The following DNTT variants were observed in gnomAD, a reference collection of about 807,000 sequenced individuals.
The protein encoded by DNTT is nucleosidetriphosphate:DNA deoxynucleotidylexotransferase.
DNTT carries 47 observed loss-of-function variants against 60.9 expected under a neutral mutation model. The observed-to-expected ratio is 0.77, with a 90% CI of 0.61 to 0.98. DNTT has a LOEUF of 0.98. Ranked by LOEUF, DNTT falls within the 50% of genes least tolerant of loss-of-function variation. The probability of loss-of-function intolerance (pLI) is 0.00; values close to 1 mark genes in which losing one functional copy is unlikely to be tolerated. For missense variants in DNTT, 665 were observed against 627.5 expected, an observed-to-expected ratio of 1.06 and a Z score of -0.64; for synonymous variants, 224 against 221.2, an observed-to-expected ratio of 1.01 and a Z score of -0.11.
chr10:96,319,853 C>T (rs1419928884), intron 3 of DNTT, among the ~76,000 whole-genome samples: 2 of 152,194 alleles, frequency 1.3e-5, no homozygotes, highest in Admixed American at 1.3e-4. Flanking sequence ...CTCTCTGAGC[C>T]TGTCTCCTCA....
rs1438215323 is a variant in DNTT, at chr10:96,332,607, C to T, written c.1359+11C>T. On this transcript the variant is annotated intron_variant, in intron 9 of 10. Transcript: ENST00000371174. The stretch of plus-strand genomic sequence containing the variant: ...TGGACTGGCTCCCGGGTAAGTGCTA[C>T]ATGGACCCATGGGATGATGTTAGCT... 1 of 1,612,644 alleles carries T rather than the reference C, an allele frequency of 6.2e-7. No homozygotes were observed. The highest frequency in any genetic ancestry group is 1.1e-5 in the South Asian group (1 of 90,992).
chr10:96,329,217 C>T (rs1354021570), intron 8 of DNTT, among the ~76,000 whole-genome samples: 1 of 152,220 alleles, frequency 6.6e-6, no homozygotes, highest in Admixed American at 6.5e-5. Context: ...GGGATAAAAT[C>T]AGTCTAAGAG....
chr10:96,328,841 AGAT>A lies in DNTT; in HGVS notation c.1113+14_1113+16del, dbSNP rs746612135. 3.7e-6 allele frequency: 6 copies of A among 1,610,228 alleles called. No individual in the cohort carries two copies. The highest frequency in any genetic ancestry group is 3.4e-6 in the Non-Finnish European group (4 of 1,178,698). On this transcript the variant is annotated intron_variant, in intron 8 of 10. Transcript: ENST00000371174. ...TTATGGGAAAAGAAGGTGAGAAGAA[AGAT>A]GAAAAATACATGCACACGCAAACAT...
At chr10:96,305,742 G>A (rs1589367153) in intron 1 of DNTT, among the ~76,000 whole-genome samples, 1 of 152,204 alleles carries the variant, frequency 6.6e-6, no homozygotes, top group East Asian at 1.9e-4. Flanking sequence ...TCCAAGTGTT[G>A]AGGAGACATA....
At chr10:96,318,232 T>C in intron 1 of DNTT, 120 bp from the exon 2 acceptor site, 1 of 1,170,874 alleles carries the variant, frequency 8.5e-7, no homozygotes, top group Non-Finnish European at 1.2e-6. Flanking sequence ...TCCACACCTA[T>C]GGTTAGGTCT....
intron 7 of DNTT, among the ~76,000 whole-genome samples, chr10:96,328,158 G>A (rs576745306): frequency 3.3e-5 from 5 of 152,288 alleles, no homozygotes; most frequent in South Asian, 2.1e-4. Flanking sequence ...ATGAGTGAAC[G>A]CTTCACAAGG....
intron 3 of DNTT, 93 bp downstream of exon 3, chr10:96,319,483 C>A: frequency 6.4e-7 from 1 of 1,569,612 alleles, no homozygotes; most frequent in Non-Finnish European, 8.6e-7. Flanking sequence ...TTTCTGAAAA[C>A]CTGGGAAAGT....
In DNTT at chr10:96,306,091, GAT is replaced by G. The variant is rs753412979; in HGVS notation, c.203+1392_203+1393del. ...TATAGGTAAAGAAGCCAAAAAAATA[GAT>G]TTTTTTTTTTTTTTTTTTGAGACAG... is the stretch of plus-strand genomic sequence containing the variant. On this transcript the variant is annotated intron_variant, in intron 1 of 10. Transcript: ENST00000371174. 4.2e-4 allele frequency among the ~76,000 whole-genome samples: 58 copies of G among 138,072 alleles called. No individual in the cohort carries two copies. In the East Asian group the frequency reaches 0.013, roughly 30 times the overall value. 90.6% of individuals were successfully genotyped at this position (138,072 alleles called of 152,430 possible). A position where few individuals can be genotyped will look rare whatever the true frequency, so the allele number is the denominator to read the frequency against.
intron 9 of DNTT, among the ~76,000 whole-genome samples, chr10:96,333,776 C>T (rs1184524559): frequency 1.3e-5 from 2 of 152,020 alleles, no homozygotes; most frequent in East Asian, 1.9e-4. Context: ...CAGTCAAACT[C>T]GTAGAAGTAC....
At chr10:96,312,901 C>CATCT (rs1278291268) in intron 1 of DNTT, among the ~76,000 whole-genome samples, 1 of 152,148 alleles carries the variant, frequency 6.6e-6, no homozygotes, top group African/African-American at 2.4e-5. Context: ...TTCATTCATT[C>CATCT]ATCTATCCAG....
intron 8 of DNTT, among the ~76,000 whole-genome samples, chr10:96,330,318 T>C (rs1299352304): frequency 6.0e-4 from 2 of 3,306 alleles, no homozygotes; most frequent in Non-Finnish European, 1.1e-3. Flanking sequence ...TTTGTGGGCT[T>C]TTTTTTTTTT....
At position 96,321,363 on chromosome 10, in the gene DNTT, T is replaced by C. The variant is rs191101139; in HGVS notation, c.678+575T>C. 4.6e-5 allele frequency among the ~76,000 whole-genome samples: 7 copies of C among 152,222 alleles called. No homozygotes were observed. The East Asian group carries it at 1.4e-3, about 29-fold the overall frequency. Reference sequence around the variant, plus strand: ...CGTCACTTTTCCCATGATTCTTCCCTTAGGGTGAGCCACCCGCATGCACAG... The same window carrying C: ...CGTCACTTTTCCCATGATTCTTCCCCTAGGGTGAGCCACCCGCATGCACAG... On this transcript the variant is annotated intron_variant, in intron 4 of 10. Transcript: ENST00000371174.
Position 96,332,318 on chromosome 10 carries a change from G to A in DNTT, c.1114-33G>A, listed in dbSNP as rs79879137. Reference sequence around the variant, plus strand: ...TAAATCATAGATCTTCTTCATCAGGGCCTTTTCCTGATGCCATTCTGTTTC... The same window carrying A: ...TAAATCATAGATCTTCTTCATCAGGACCTTTTCCTGATGCCATTCTGTTTC... On this transcript the variant is annotated intron_variant, in intron 8 of 10. Transcript: ENST00000371174. 1.5e-3 allele frequency: 2,384 copies of A among 1,604,398 alleles called. 24 individuals are homozygous for A. In the African/African-American group the frequency reaches 0.027, roughly 18 times the overall value.
chr10:96,321,033 C>G (rs1379465854), intron 4 of DNTT, among the ~76,000 whole-genome samples: 1 of 151,886 alleles, frequency 6.6e-6, no homozygotes, highest in Non-Finnish European at 1.5e-5. Flanking sequence ...TGTGAATATC[C>G]TAGTCACATG....
At chr10:96,316,026 C>G (rs1844781602) in intron 1 of DNTT, among the ~76,000 whole-genome samples, 1 of 152,156 alleles carries the variant, frequency 6.6e-6, no homozygotes, top group Non-Finnish European at 1.5e-5. Context: ...GCCCACACCT[C>G]TCTCTGAGCA....
At chr10:96,319,639 G>A (rs1350895773) in intron 3 of DNTT, among the ~76,000 whole-genome samples, 2 of 152,164 alleles carry the variant, frequency 1.3e-5, no homozygotes, top group Non-Finnish European at 1.5e-5. Context: ...ACTATTTACA[G>A]ATAGTTGTCA....
In DNTT at chr10:96,319,453, C is replaced by T. The variant is rs547815878; in HGVS notation, c.507+63C>T. 1.1e-4 allele frequency: 169 copies of T among 1,591,374 alleles called. 3 individuals carry two copies. In the South Asian group the frequency reaches 1.3e-3, roughly 13 times the overall value. ...GGGCTTGCAGCTTCTTTCTGTGGAC[C>T]GCAAATTAAATTATAAATTTTTCTG... On this transcript the variant is annotated intron_variant, in intron 3 of 10. Coordinates refer to ENST00000371174, the MANE Select transcript of DNTT (RefSeq NM_004088.4).
chr10:96,321,728 T>C (rs975569974), intron 4 of DNTT, among the ~76,000 whole-genome samples: 4 of 152,130 alleles, frequency 2.6e-5, no homozygotes, highest in African/African-American at 4.8e-5. Flanking sequence ...AGAGAGACAG[T>C]GTGATAACTC....
At chr10:96,328,580 C>A in intron 7 of DNTT, 145 bp from the exon 8 acceptor site, 1 of 695,356 alleles carries the variant, frequency 1.4e-6, no homozygotes. Context: ...CGATGTGTAA[C>A]CAAGGATATT....
Sources: allele counts gnomAD v4.1 joint callset (sites outside exome capture counted in the v4.1 genomes callset), GRCh38; gene constraint gnomAD v4.1.1; transcripts MANE v1.5; gene names NCBI Gene and HGNC (gene_info 2026-07-23, HGNC 2026-07-21).